Variants in TMEM217 observed in about 807,000 individuals in gnomAD.
The protein encoded by TMEM217 is transmembrane protein 217, also known as chromosome 6 open reading frame 128.
For synonymous variants in TMEM217, 76 were observed against 88.3 expected (o/e 0.86, Z 0.78); for missense variants, 204 against 248.8 (o/e 0.82, Z 1.21).
chr6:37,230,916 C>G (rs1466443594), intron 1 of TMEM217, among the ~76,000 whole-genome samples: 1 of 152,046 alleles, frequency 6.6e-6, no homozygotes, highest in Non-Finnish European at 1.5e-5. Context: ...TTCAGTGAAA[C>G]TAAATAACAA....
chr6:37,218,087 C>T (rs1256879204), exon 2 of TMEM217: 1 of 1,020,078 alleles, frequency 9.8e-7, no homozygotes, highest in Non-Finnish European at 1.2e-6. Flanking sequence ...AATAGAACTA[C>T]CCTGGGAATC....
At chr6:37,256,414 G>A (rs1765731918) in intron 1 of TMEM217, among the ~76,000 whole-genome samples, 1 of 152,108 alleles carries the variant, frequency 6.6e-6, no homozygotes, top group African/African-American at 2.4e-5. Flanking sequence ...GTGCAGTGCT[G>A]GTCACTGCAT....
chr6:37,214,128 T>G (rs919624282), downstream of TMEM217, among the ~76,000 whole-genome samples: 1 of 152,218 alleles, frequency 6.6e-6, no homozygotes, highest in Non-Finnish European at 1.5e-5. Flanking sequence ...GAATGTAAAA[T>G]TCACCACTTT....
exon 1 of TMEM217, chr6:37,257,737 C>A: frequency 1.6e-6 from 1 of 632,132 alleles, no homozygotes; most frequent in Non-Finnish European, 2.6e-6. Flanking sequence ...TTGCGCAGCT[C>A]ACCAATGGCA....
At chr6:37,241,837 T>C (rs182682399) in intron 1 of TMEM217, among the ~76,000 whole-genome samples, 46 of 152,342 alleles carry the variant, frequency 3.0e-4, no homozygotes, top group South Asian at 8.3e-4. Flanking sequence ...AGATAATTTA[T>C]GACCTCTTCT....
intron 1 of TMEM217, among the ~76,000 whole-genome samples, chr6:37,225,239 A>G (rs1178158177): frequency 6.6e-6 from 1 of 152,142 alleles, no homozygotes; most frequent in Non-Finnish European, 1.5e-5. Flanking sequence ...AGAGGATAAT[A>G]GATACAATAT....
At chr6:37,233,430 C>A (rs994134173) in intron 1 of TMEM217, among the ~76,000 whole-genome samples, 1 of 152,188 alleles carries the variant, frequency 6.6e-6, no homozygotes, top group African/African-American at 2.4e-5. Flanking sequence ...GATTAAGGCA[C>A]CAGCAGGGCT....
At chr6:37,254,476 G>A (rs559173367) in intron 1 of TMEM217, among the ~76,000 whole-genome samples, 1 of 152,290 alleles carries the variant, frequency 6.6e-6, no homozygotes, top group East Asian at 1.9e-4. Flanking sequence ...TTCCTTTGAA[G>A]CTGCAAAAGA....
intron 1 of TMEM217, among the ~76,000 whole-genome samples, chr6:37,235,405 G>A (rs963058072): frequency 4.0e-4 from 61 of 151,648 alleles, no homozygotes; most frequent in Admixed American, 2.2e-3. Flanking sequence ...TTGCTCTGTC[G>A]CCCAGGCTAG....
intron 1 of TMEM217, among the ~76,000 whole-genome samples, chr6:37,253,218 A>T (rs1235837205): frequency 6.6e-6 from 1 of 152,158 alleles, no homozygotes; most frequent in Non-Finnish European, 1.5e-5. Context: ...TATAAACTGC[A>T]CACCATAATT....
intron 1 of TMEM217, among the ~76,000 whole-genome samples, chr6:37,257,058 G>A (rs1372252629): frequency 6.6e-6 from 1 of 152,208 alleles, no homozygotes; most frequent in Non-Finnish European, 1.5e-5. Context: ...TTCACACGAT[G>A]GAGCAATACT....
At chr6:37,229,038 A>G (rs990233055) in intron 1 of TMEM217, among the ~76,000 whole-genome samples, 1 of 152,030 alleles carries the variant, frequency 6.6e-6, no homozygotes, top group Non-Finnish European at 1.5e-5. Flanking sequence ...TAATAATAAT[A>G]ACGAACATTT....
At chr6:37,243,888 G>A (rs781124442) in intron 1 of TMEM217, among the ~76,000 whole-genome samples, 21 of 152,142 alleles carry the variant, frequency 1.4e-4, no homozygotes, top group Non-Finnish European at 2.6e-4. Context: ...GGATGGGGGG[G>A]TGCACAGGAC....
At chr6:37,219,009 C>A in exon 2 of TMEM217, 1 of 1,613,878 alleles carries the variant, frequency 6.2e-7, no homozygotes, top group Non-Finnish European at 8.5e-7. Context: ...GCAGTCATCC[C>A]ACACCACTGC....
At chr6:37,229,174 T>G (rs1562010077) in intron 1 of TMEM217, among the ~76,000 whole-genome samples, 1 of 151,946 alleles carries the variant, frequency 6.6e-6, no homozygotes, top group Non-Finnish European at 1.5e-5. Flanking sequence ...GTATTATTTA[T>G]GCATTCAGGC....
At chr6:37,256,174 G>C (rs1367242389) in intron 1 of TMEM217, among the ~76,000 whole-genome samples, 1 of 152,322 alleles carries the variant, frequency 6.6e-6, no homozygotes, top group Non-Finnish European at 1.5e-5. Flanking sequence ...ACATGGATGA[G>C]TGTATGGCAG....
At chr6:37,232,703 C>T (rs926538106) in intron 1 of TMEM217, among the ~76,000 whole-genome samples, 3 of 152,150 alleles carry the variant, frequency 2.0e-5, no homozygotes, top group Admixed American at 6.5e-5. Flanking sequence ...GAGGAAGTAT[C>T]TTTCCTCCTC....
intron 1 of TMEM217, among the ~76,000 whole-genome samples, chr6:37,246,420 C>G (rs1765086442): frequency 6.6e-6 from 1 of 152,144 alleles, no homozygotes; most frequent in South Asian, 2.1e-4. Flanking sequence ...TATGATACTT[C>G]TTGAGGCAAA....
exon 2 of TMEM217, chr6:37,217,855 A>G: frequency 1.0e-6 from 1 of 985,604 alleles, no homozygotes; most frequent in Non-Finnish European, 1.2e-6. Flanking sequence ...CCCTACTGCA[A>G]TTCAGCTTCA....
Sources: gnomAD v4.1 joint callset for allele counts (sites outside exome capture counted in the v4.1 genomes callset) on GRCh38, gnomAD v4.1.1 for gene constraint, MANE v1.5 for transcripts, NCBI Gene and HGNC (gene_info 2026-07-23, HGNC 2026-07-21) for gene names.